The following CLDN14 variants were observed in gnomAD, a reference collection of about 807,000 sequenced individuals.
CLDN14 encodes claudin 14, also known as claudin-14.
CLDN14 carries 2 observed loss-of-function variants against 2.1 expected under a neutral mutation model. The ratio of observed to expected loss-of-function variants is 0.96; its 90% CI spans 0.39 to 3.01. The LOEUF (loss-of-function observed/expected upper bound fraction) is 3.01. Among genes scored for constraint, CLDN14 ranks in the 30% most tolerant of loss-of-function variants. CLDN14 has a pLI of 0.09. For missense variants in CLDN14, 298 were observed against 328.0 expected (o/e 0.91, Z 0.71); for synonymous variants, 136 against 154.4 (o/e 0.88, Z 0.88).
At chr21:36,505,226 G>GTATTTCATATGTCTTTGTTTCA (rs2087121857) in intron 2 of CLDN14, among the ~76,000 whole-genome samples, 1 of 152,100 alleles carries the variant, frequency 6.6e-6, no homozygotes, top group Non-Finnish European at 1.5e-5. Context: ...AATCAGGATT[G>GTATTTCATATGTCTTTGTTTCA]TATTTCATAT....
chr21:36,527,493 G>C (rs2146498478), intron 1 of CLDN14, among the ~76,000 whole-genome samples: 1 of 152,298 alleles, frequency 6.6e-6, no homozygotes, highest in South Asian at 2.1e-4. Flanking sequence ...TTTCCATGTA[G>C]ATCAGCTGCT....
chr21:36,509,624 G>T (rs991373443), intron 2 of CLDN14, among the ~76,000 whole-genome samples: 3 of 151,942 alleles, frequency 2.0e-5, no homozygotes, highest in Non-Finnish European at 2.9e-5. Flanking sequence ...TTGAGACTGG[G>T]TCTCACTCTG....
chr21:36,489,191 C>T lies in CLDN14; in HGVS notation c.-82+21172G>A, dbSNP rs1276236109. 3.4e-4 allele frequency among the ~76,000 whole-genome samples: 34 copies of T among 99,440 alleles called. 1 individual carries two copies. The highest frequency in any genetic ancestry group is 5.4e-4 in the East Asian group (2 of 3,674). The allele number at this position is 99,440 out of a possible 152,430, so 65.2% of individuals were successfully genotyped here. On this transcript the variant is annotated intron_variant, in intron 2 of 2. Coordinates refer to the CLDN14 transcript ENST00000342108. ...AGAGAGAGAGAAAGAGAATGGGGGG[C>T]GGGAGAGAGAGAGAGAAAGAGAGAG...
chr21:36,495,055 C>T (rs2071052), intron 2 of CLDN14, among the ~76,000 whole-genome samples: 82,731 of 152,084 alleles, frequency 0.54, 26,547 homozygotes, highest in Non-Finnish European at 0.72. Flanking sequence ...AGGCCCAGCA[C>T]GGTGCCTCAC....
intron 1 of CLDN14, among the ~76,000 whole-genome samples, chr21:36,537,126 G>A (rs990587470): frequency 6.6e-6 from 1 of 152,206 alleles, no homozygotes; most frequent in South Asian, 2.1e-4. Flanking sequence ...GGAGGTGGAG[G>A]TTGCAGTGAG....
chr21:36,539,653 TAGTG>T (rs553353930), intron 1 of CLDN14, among the ~76,000 whole-genome samples: 117 of 140,852 alleles, frequency 8.3e-4, no homozygotes, highest in Admixed American at 4.2e-3. Flanking sequence ...AGTGTGTGTG[TAGTG>T]AGTATGTGTG....
At chr21:36,470,390 CAG>C (rs777797826) in intron 1 of CLDN14, among the ~76,000 whole-genome samples, 127 of 152,108 alleles carry the variant, frequency 8.3e-4, no homozygotes, top group Non-Finnish European at 1.6e-3. Flanking sequence ...CAGACGGAGG[CAG>C]AGAGTGGAGC....
At chr21:36,496,144 G>T (rs2087014984) in intron 2 of CLDN14, among the ~76,000 whole-genome samples, 1 of 152,094 alleles carries the variant, frequency 6.6e-6, no homozygotes, top group African/African-American at 2.4e-5. Context: ...AAAAATCAGG[G>T]TTTCTGCCGG....
chr21:36,463,255 C>T (rs571145959), intron 1 of CLDN14, among the ~76,000 whole-genome samples: 1 of 152,374 alleles, frequency 6.6e-6, no homozygotes, highest in East Asian at 1.9e-4. Context: ...AGGGAAGCGT[C>T]TCTGCTGATG....
chr21:36,510,905 C>CAAG, intron 1 of CLDN14, among the ~76,000 whole-genome samples: 1 of 152,356 alleles, frequency 6.6e-6, no homozygotes, highest in Non-Finnish European at 1.5e-5. Flanking sequence ...TCCTTCAGGT[C>CAAG]AAGCCCTGGT....
chr21:36,482,965 A>G (rs2086862801), upstream of CLDN14, among the ~76,000 whole-genome samples: 1 of 152,190 alleles, frequency 6.6e-6, no homozygotes, highest in Admixed American at 6.5e-5. Context: ...TAATCCTGAA[A>G]CAGCCTTTGC....
intron 1 of CLDN14, among the ~76,000 whole-genome samples, chr21:36,550,211 G>A (rs1288613442): frequency 6.6e-6 from 1 of 152,162 alleles, no homozygotes; most frequent in Non-Finnish European, 1.5e-5. Context: ...AAAACACCCA[G>A]TGCATTTCCA....
At chr21:36,461,982 C>T (rs939123555) in intron 1 of CLDN14, among the ~76,000 whole-genome samples, 8 of 152,118 alleles carry the variant, frequency 5.3e-5, no homozygotes, top group African/African-American at 9.7e-5. Flanking sequence ...GGATGACAGC[C>T]GGACGCTGGC....
chr21:36,518,969 TA>T (rs1303897985), intron 1 of CLDN14, among the ~76,000 whole-genome samples: 1 of 152,184 alleles, frequency 6.6e-6, no homozygotes, highest in Non-Finnish European at 1.5e-5. Context: ...CTCTCCCAGT[TA>T]TTATCAGTGA....
At chr21:36,464,194 C>T (rs972710404) in intron 1 of CLDN14, among the ~76,000 whole-genome samples, 3 of 152,162 alleles carry the variant, frequency 2.0e-5, no homozygotes, top group Non-Finnish European at 2.9e-5. Context: ...CCTCCTTCTC[C>T]GGCCGTGTCA....
intron 1 of CLDN14, among the ~76,000 whole-genome samples, chr21:36,538,599 C>T (rs1601629308): frequency 2.7e-5 from 4 of 150,832 alleles, no homozygotes; most frequent in East Asian, 3.9e-4. Context: ...GGTGACAGAG[C>T]GAGACATCGT....
intron 1 of CLDN14, among the ~76,000 whole-genome samples, chr21:36,552,678 CA>C (rs1811111096): frequency 1.0e-5 from 1 of 98,600 alleles, no homozygotes; most frequent in Admixed American, 1.0e-4. Context: ...TATGATAAAA[CA>C]AGACAAAAAC....
At chr21:36,465,108 A>G (rs2086628801) in intron 1 of CLDN14, among the ~76,000 whole-genome samples, 1 of 152,170 alleles carries the variant, frequency 6.6e-6, no homozygotes, top group Non-Finnish European at 1.5e-5. Flanking sequence ...CCAGGACCAG[A>G]GGCTCCTCCA....
chr21:36,537,249 G>GA (rs949006294), intron 1 of CLDN14, among the ~76,000 whole-genome samples: 6 of 147,896 alleles, frequency 4.1e-5, no homozygotes, highest in South Asian at 2.1e-4. Context: ...GAGAGAGAGA[G>GA]AAAAAAAAAT....
Sources: allele counts gnomAD v4.1 joint callset (sites outside exome capture counted in the v4.1 genomes callset), GRCh38; gene constraint gnomAD v4.1.1; transcripts MANE v1.5; gene names NCBI Gene and HGNC (gene_info 2026-07-23, HGNC 2026-07-21).